Variants in TAFA5 observed in about 807,000 individuals in gnomAD.
TAFA5 encodes chemokine-like protein TAFA-5.
A neutral mutation model predicts 15.3 loss-of-function variants in TAFA5; 6 were observed. The ratio of observed to expected loss-of-function variants is 0.39; its 90% CI spans 0.21 to 0.77. TAFA5 has a LOEUF of 0.77. TAFA5 is among the 30% of genes least tolerant of loss of function. TAFA5 has a pLI of 0.41. For missense variants in TAFA5, 161 were observed against 193.1 expected (o/e 0.83, Z 0.98); for synonymous variants, 103 against 80.7 (o/e 1.28, Z -1.48).
chr22:48,557,121 G>A (rs1569024609), intron 1 of TAFA5, among the ~76,000 whole-genome samples: 1 of 152,206 alleles, frequency 6.6e-6, no homozygotes. Context: ...TCAGAACTGT[G>A]CTAGCGTCTG....
intron 1 of TAFA5, among the ~76,000 whole-genome samples, chr22:48,582,379 T>G (rs955524128): frequency 6.9e-6 from 1 of 145,262 alleles, no homozygotes; most frequent in Non-Finnish European, 1.5e-5. Flanking sequence ...ACACACAAAA[T>G]ACACCACATA....
At chr22:48,654,180 C>T (rs554898029) in intron 2 of TAFA5, among the ~76,000 whole-genome samples, 1 of 152,206 alleles carries the variant, frequency 6.6e-6, no homozygotes, top group South Asian at 2.1e-4. Context: ...AGGCTCTTTC[C>T]CAGGGCTGTG....
At chr22:48,525,015 C>G (rs1363907921) in intron 1 of TAFA5, among the ~76,000 whole-genome samples, 3 of 152,166 alleles carry the variant, frequency 2.0e-5, no homozygotes, top group African/African-American at 4.8e-5. Context: ...TCTCTCCGCC[C>G]TGCCCTCAGC....
intron 2 of TAFA5, among the ~76,000 whole-genome samples, chr22:48,685,785 T>G (rs1331687138): frequency 6.6e-6 from 1 of 152,124 alleles, no homozygotes; most frequent in Non-Finnish European, 1.5e-5. Context: ...AAACACCCCA[T>G]TCAGAGTCCT....
intron 2 of TAFA5, among the ~76,000 whole-genome samples, chr22:48,653,486 T>G (rs1357923007): frequency 1.3e-5 from 2 of 152,214 alleles, no homozygotes; most frequent in Admixed American, 6.5e-5. Flanking sequence ...TGAAGTTGTT[T>G]CAGGGAGGAG....
chr22:48,749,025 C>T (rs746639730), intron 3 of TAFA5, among the ~76,000 whole-genome samples: 2 of 152,144 alleles, frequency 1.3e-5, no homozygotes, highest in African/African-American at 2.4e-5. Flanking sequence ...AGCTGAGCCC[C>T]AGGGCCTCTG....
chr22:48,711,935 C>T (rs754647099), intron 3 of TAFA5, among the ~76,000 whole-genome samples: 23 of 152,380 alleles, frequency 1.5e-4, no homozygotes, highest in Non-Finnish European at 2.6e-4. Flanking sequence ...GGGCGCTGGG[C>T]CTAAGGGTGC....
intron 1 of TAFA5, among the ~76,000 whole-genome samples, chr22:48,585,740 A>G (rs898008070): frequency 6.6e-6 from 1 of 151,764 alleles, no homozygotes; most frequent in South Asian, 2.1e-4. Context: ...CACATAACAT[A>G]CACCACATAC....
intron 3 of TAFA5, among the ~76,000 whole-genome samples, chr22:48,715,571 C>T (rs926452309): frequency 6.6e-6 from 1 of 152,212 alleles, no homozygotes. Flanking sequence ...ACATGTTTGG[C>T]AGGTGGAAGG....
intron 1 of TAFA5, among the ~76,000 whole-genome samples, chr22:48,639,561 G>A (rs752758616): frequency 6.6e-6 from 1 of 152,174 alleles, no homozygotes; most frequent in Non-Finnish European, 1.5e-5. Context: ...CGCCAGGGAG[G>A]CCCCAGCCCT....
At chr22:48,677,765 G>T (rs147969863) in intron 2 of TAFA5, among the ~76,000 whole-genome samples, 1,580 of 152,250 alleles carry the variant, frequency 0.01, 25 homozygotes, top group African/African-American at 0.035. Context: ...GTCAGGTCGG[G>T]CGGGCGTGGC....
In TAFA5 at chr22:48,639,212, G is replaced by C. The variant is rs578142774; in HGVS notation, c.113-7385G>C. ...CCCCACGGCGCCTCCTTTTCTCCCC[G>C]TTGGGGACCTGCCCCCGGGCCCCAC... On this transcript the variant is annotated intron_variant, in intron 1 of 3. Coordinates refer to ENST00000402357, the MANE Select transcript of TAFA5 (RefSeq NM_001082967.3). 4.0e-5 allele frequency among the ~76,000 whole-genome samples: 6 copies of C among 150,480 alleles called. No homozygotes were observed. In the East Asian group the frequency reaches 1.2e-3, roughly 29 times the overall value.
intron 2 of TAFA5, among the ~76,000 whole-genome samples, chr22:48,700,647 A>C (rs926870628): frequency 6.6e-6 from 1 of 152,102 alleles, no homozygotes; most frequent in African/African-American, 2.4e-5. Flanking sequence ...GTGGATGTGC[A>C]TGTTTGCCTG....
At chr22:48,540,155 CT>C (rs1922313481) in intron 1 of TAFA5, among the ~76,000 whole-genome samples, 2 of 152,316 alleles carry the variant, frequency 1.3e-5, no homozygotes, top group African/African-American at 4.8e-5. Context: ...TGGGTCTAGC[CT>C]TGTGTACGGG....
intron 2 of TAFA5, among the ~76,000 whole-genome samples, chr22:48,702,667 C>T (rs73891705): frequency 0.035 from 5,389 of 152,332 alleles, 237 homozygotes; most frequent in African/African-American, 0.1. Flanking sequence ...CTCACGCTAC[C>T]TCAGGAAGCT....
At chr22:48,715,552 G>GC (rs1269485752) in intron 3 of TAFA5, among the ~76,000 whole-genome samples, 2 of 152,222 alleles carry the variant, frequency 1.3e-5, no homozygotes, top group African/African-American at 2.4e-5. Flanking sequence ...CTGGCTCTCA[G>GC]CCTTAGGGAC....
At chr22:48,635,459 G>C (rs572376712) in intron 1 of TAFA5, among the ~76,000 whole-genome samples, 14 of 152,338 alleles carry the variant, frequency 9.2e-5, no homozygotes, top group Admixed American at 7.2e-4. Context: ...TACCCAGGGG[G>C]CCCAGAACCT....
Position 48,552,123 on chromosome 22 carries a change from C to T in TAFA5, c.112+62419C>T, listed in dbSNP as rs993358058. Among the ~76,000 whole-genome samples, 1 of 152,228 alleles carries T rather than the reference C, an allele frequency of 6.6e-6. No individual in the cohort carries two copies. The highest frequency in any genetic ancestry group is 1.5e-5 in the Non-Finnish European group (1 of 68,044). ...GGCTGCAGCCTGTGCACTGTGAGCC[C>T]TCCTTGTGTGGGCTCCCGGGGACCA... On this transcript the variant is annotated intron_variant, in intron 1 of 3. Transcript: ENST00000402357. The surrounding 1 kb of genome is among the most constrained non-coding windows in gnomAD (Gnocchi z 4.1).
intron 1 of TAFA5, among the ~76,000 whole-genome samples, chr22:48,554,454 A>G (rs1342786186): frequency 6.6e-6 from 1 of 152,218 alleles, no homozygotes; most frequent in Non-Finnish European, 1.5e-5. Flanking sequence ...TGTTCCCAAC[A>G]TATTACATTT....
Sources: gnomAD v4.1 joint callset for allele counts (sites outside exome capture counted in the v4.1 genomes callset) on GRCh38, gnomAD v4.1.1 for gene constraint, Gnocchi (gnomAD v3.1) non-coding constraint, MANE v1.5 for transcripts, NCBI Gene and HGNC (gene_info 2026-07-23, HGNC 2026-07-21) for gene names.